Variants in NTM observed in about 807,000 individuals in gnomAD.
The protein encoded by NTM is neurotrimin, also known as IgLON family member 2.
NTM carries 13 observed loss-of-function variants against 42.1 expected under a neutral mutation model. That is an observed-to-expected ratio of 0.31 (90% CI 0.20 to 0.49). The LOEUF (loss-of-function observed/expected upper bound fraction) is 0.49, where lower values mean the gene tolerates loss of function less well. NTM is among the 20% of genes least tolerant of loss of function. The probability of loss-of-function intolerance (pLI) is 0.99; values close to 1 mark genes in which losing one functional copy is unlikely to be tolerated. For missense variants in NTM, 373 were observed against 452.8 expected (o/e 0.82, Z 1.60); for synonymous variants, 187 against 179.2 (o/e 1.04, Z -0.35).
At chr11:132,061,761 C>A (rs1480770360) in intron 2 of NTM, among the ~76,000 whole-genome samples, 1 of 152,128 alleles carries the variant, frequency 6.6e-6, no homozygotes, top group Non-Finnish European at 1.5e-5. Context: ...ACAGTTCAAG[C>A]ATCTTCTGTA....
intron 1 of NTM, among the ~76,000 whole-genome samples, chr11:131,670,241 TG>T (rs2069889449): frequency 6.6e-6 from 1 of 151,880 alleles, no homozygotes; most frequent in African/African-American, 2.4e-5. Flanking sequence ...TCATCCCCTT[TG>T]GCAAAAAGTG....
chr11:131,527,902 A>G (rs2136639721), intron 1 of NTM, among the ~76,000 whole-genome samples: 1 of 152,328 alleles, frequency 6.6e-6, no homozygotes, highest in Admixed American at 6.5e-5. Flanking sequence ...CCCATTGATC[A>G]TGTACTAGTT....
intron 4 of NTM, among the ~76,000 whole-genome samples, chr11:132,225,997 A>G (rs1207855442): frequency 6.6e-6 from 1 of 152,130 alleles, no homozygotes; most frequent in African/African-American, 2.4e-5. Flanking sequence ...TTTGCTGAGA[A>G]TGATGGTTTC....
chr11:131,474,009 C>G (rs968526885), intron 1 of NTM, among the ~76,000 whole-genome samples: 1 of 152,194 alleles, frequency 6.6e-6, no homozygotes, highest in African/African-American at 2.4e-5. Flanking sequence ...TCCTTCCATT[C>G]TCATCCAACT....
intron 1 of NTM, among the ~76,000 whole-genome samples, chr11:131,868,260 C>T (rs1395082259): frequency 6.6e-6 from 1 of 152,204 alleles, no homozygotes; most frequent in Non-Finnish European, 1.5e-5. Flanking sequence ...TCTGTCCAAG[C>T]CCCGCAGCCA....
intron 1 of NTM, among the ~76,000 whole-genome samples, chr11:131,571,847 G>A (rs1346501109): frequency 6.6e-6 from 1 of 152,198 alleles, no homozygotes; most frequent in Non-Finnish European, 1.5e-5. Context: ...CCTCAGCACA[G>A]AGACTCCTTT....
At chr11:132,259,758 T>C (rs2092730446) in intron 4 of NTM, among the ~76,000 whole-genome samples, 1 of 151,950 alleles carries the variant, frequency 6.6e-6, no homozygotes, top group Non-Finnish European at 1.5e-5. Context: ...TGTTTGTTTG[T>C]TTGTTTGTTG....
intron 1 of NTM, among the ~76,000 whole-genome samples, chr11:131,643,215 A>G (rs2065351473): frequency 6.6e-6 from 1 of 152,238 alleles, no homozygotes; most frequent in South Asian, 2.1e-4. Flanking sequence ...GCATGGATCA[A>G]GGTAATTAAA....
chr11:132,039,040 G>A (rs1419545170), intron 2 of NTM, among the ~76,000 whole-genome samples: 2 of 152,214 alleles, frequency 1.3e-5, no homozygotes, highest in African/African-American at 4.8e-5. Context: ...GGGTACAGCA[G>A]CCACACTGGT....
intron 1 of NTM, among the ~76,000 whole-genome samples, chr11:131,584,924 A>C (rs1348289496): frequency 6.6e-6 from 1 of 151,952 alleles, no homozygotes; most frequent in Non-Finnish European, 1.5e-5. Context: ...CTTGGCAAAG[A>C]ATAGGGAACG....
chr11:131,666,996 T>A (rs1227615374), intron 1 of NTM, among the ~76,000 whole-genome samples: 3 of 152,154 alleles, frequency 2.0e-5, no homozygotes, highest in Non-Finnish European at 4.4e-5. Flanking sequence ...CTTGGAGGCC[T>A]AGGGGACCCT....
intron 1 of NTM, among the ~76,000 whole-genome samples, chr11:131,547,592 T>C (rs2054113379): frequency 6.6e-6 from 1 of 152,122 alleles, no homozygotes; most frequent in Admixed American, 6.5e-5. Context: ...AAAGTGTGTG[T>C]CTGGTTATGC....
chr11:132,086,602 C>A (rs1484914751), intron 2 of NTM, among the ~76,000 whole-genome samples: 1 of 152,192 alleles, frequency 6.6e-6, no homozygotes, highest in Non-Finnish European at 1.5e-5. Flanking sequence ...GTGAAACCAA[C>A]AAGCCTCAAT....
chr11:132,075,591 T>C (rs7938697), intron 2 of NTM, among the ~76,000 whole-genome samples: 43,620 of 152,060 alleles, frequency 0.29, 6,835 homozygotes, highest in African/African-American at 0.4. Flanking sequence ...ACAGCTCTTG[T>C]CATTTCCAAA....
At chr11:132,279,273 C>T (rs1271759772) in intron 4 of NTM, among the ~76,000 whole-genome samples, 1 of 152,220 alleles carries the variant, frequency 6.6e-6, no homozygotes, top group Non-Finnish European at 1.5e-5. Flanking sequence ...ACCTGAGGCA[C>T]ATATTATCTC....
At chr11:131,500,583 T>TACA (rs2046668859) in intron 1 of NTM, among the ~76,000 whole-genome samples, 4 of 53,568 alleles carry the variant, frequency 7.5e-5, no homozygotes, top group Non-Finnish European at 1.2e-4. Context: ...ATATATTTTT[T>TACA]TTTTTTTTTT....
chr11:131,891,853 G>C (rs1272189287), intron 1 of NTM, among the ~76,000 whole-genome samples: 2 of 152,120 alleles, frequency 1.3e-5, no homozygotes, highest in African/African-American at 4.8e-5. Context: ...TCTTGACAAT[G>C]GTTCTGATTC....
chr11:131,585,571 G>A (rs1367049190), intron 1 of NTM, among the ~76,000 whole-genome samples: 1 of 152,202 alleles, frequency 6.6e-6, no homozygotes, highest in East Asian at 1.9e-4. Flanking sequence ...TGCAGACGGT[G>A]GCTACTCTCG....
intron 2 of NTM, among the ~76,000 whole-genome samples, chr11:131,936,709 G>T (rs1203314719): frequency 6.6e-6 from 1 of 152,074 alleles, no homozygotes; most frequent in South Asian, 2.1e-4. Context: ...AAAGGGAACT[G>T]GTTTCCAAGA....
Sources: allele counts gnomAD v4.1 joint callset (sites outside exome capture counted in the v4.1 genomes callset), GRCh38; gene constraint gnomAD v4.1.1; transcripts MANE v1.5; gene names NCBI Gene and HGNC (gene_info 2026-07-23, HGNC 2026-07-21).